Variants in IL17RD observed in about 807,000 individuals in gnomAD.
IL17RD encodes the protein interleukin 17 receptor D.
Under a neutral mutation model 80.5 loss-of-function variants are expected in IL17RD, and 52 were observed. That is an observed-to-expected ratio of 0.65 (90% CI 0.52 to 0.81). The LOEUF (loss-of-function observed/expected upper bound fraction) is 0.81. Among genes scored for constraint, IL17RD ranks in the 40% least tolerant of loss-of-function variants. IL17RD has a pLI of 0.00. For missense variants in IL17RD, 1,024 were observed against 955.1 expected, an observed-to-expected ratio of 1.07 and a Z score of -0.95; for synonymous variants, 416 against 391.8, an observed-to-expected ratio of 1.06 and a Z score of -0.73.
At chr3:57,132,091 CA>C (rs1463660418) in intron 1 of IL17RD, among the ~76,000 whole-genome samples, 2 of 152,040 alleles carry the variant, frequency 1.3e-5, no homozygotes, top group Non-Finnish European at 2.9e-5. Flanking sequence ...GAGGCTGAGG[CA>C]GGGGGATCGC....
chr3:57,090,563 G>C lies in IL17RD; in HGVS notation c.*5830C>G, dbSNP rs4681950. On this transcript the variant is annotated 3_prime_UTR_variant, in exon 13 of 13. Transcript: ENST00000296318. Reference sequence around the variant, plus strand: ...TGGGATTACAGGCACACACAACCACGCCTGATTAATTTTGTATTTTTAGTA... The same window carrying C: ...TGGGATTACAGGCACACACAACCACCCCTGATTAATTTTGTATTTTTAGTA... The C allele has an allele frequency of 1.3e-5, 2 of 152,066 alleles. No individual in the cohort carries two copies. Among genetic ancestry groups the C allele is most frequent in the Non-Finnish European group, 2.9e-5 (2 of 68,114 alleles). 9.4% of individuals were successfully genotyped at this position (152,066 alleles called of 1,614,324 possible).
chr3:57,142,351 GTTCT>G, intron 1 of IL17RD: 1 of 462,910 alleles, frequency 2.2e-6, no homozygotes, highest in Non-Finnish European at 4.1e-6. Flanking sequence ...AATTCACTCT[GTTCT>G]TTCTTTTGTG....
At position 57,097,621 on chromosome 3, in the gene IL17RD, C is replaced by T; in HGVS notation, c.2082G>A (p.Glu694=). 1.9e-6 allele frequency: 3 copies of T among 1,583,400 alleles called. No individual in the cohort carries two copies. The highest frequency in any genetic ancestry group is 2.6e-6 in the Non-Finnish European group (3 of 1,165,192). The change falls in exon 12 of 13, where the codon GAG becomes GAA. Residue 694 remains glutamate, a synonymous_variant. Transcript: ENST00000296318. ...CCAGGCCTGAAGAGGAGGACACGCT[C>T]TCCGTCAGGGAAGACGTTTCTGTCT... is the stretch of plus-strand genomic sequence containing the variant. ...TDQTETSSLT[E]SVSSSSGLGE...
chr3:57,108,294 T>A (rs963687922), intron 5 of IL17RD, among the ~76,000 whole-genome samples: 1 of 151,928 alleles, frequency 6.6e-6, no homozygotes, highest in African/African-American at 2.4e-5. Context: ...GACTTCGTGA[T>A]CTGCCTGCCT....
intron 5 of IL17RD, among the ~76,000 whole-genome samples, chr3:57,107,825 G>C: frequency 6.6e-6 from 1 of 152,146 alleles, no homozygotes; most frequent in East Asian, 1.9e-4. Flanking sequence ...AGTAAGTGGG[G>C]ATGGTACGAC....
rs1706875257 is a variant in IL17RD, at chr3:57,103,134, G to A, written c.825C>T (p.Asp275=). 1.2e-6 allele frequency: 2 copies of A among 1,602,990 alleles called. No individual in the cohort carries two copies. The highest frequency in any genetic ancestry group is 2.2e-5 in the East Asian group (1 of 44,760). ...PGDYIIELVD[D]TNTTRKVMHY... The stretch of plus-strand genomic sequence containing the variant: ...GCATCACTTTTCTTGTTGTGTTAGT[G>A]TCATCCACCAGCTGCAAAACAGAGG... The change falls in exon 9 of 13, where the codon GAC becomes GAT. Residue 275 remains aspartate, a synonymous_variant. Transcript: ENST00000296318.
Position 57,095,853 on chromosome 3 carries a change from C to T in IL17RD, c.*540G>A, listed in dbSNP as rs1054241998. 6.5e-6 allele frequency: 1 copy of T among 153,580 alleles called. No individual in the cohort carries two copies. Among genetic ancestry groups the T allele is most frequent in the African/African-American group, 2.4e-5 (1 of 41,450 alleles). The allele number at this position is 153,580 out of a possible 1,614,324, so 9.5% of individuals were successfully genotyped here. On this transcript the variant is annotated 3_prime_UTR_variant, in exon 13 of 13. Coordinates refer to ENST00000296318, the MANE Select transcript of IL17RD (RefSeq NM_017563.5). ...TCAGTCACTTTCTTGACTTTTGACT[C>T]AAAGCTTATTTAACACCCATGGCAA...
At chr3:57,149,073 A>G (rs1486477233) in intron 1 of IL17RD, among the ~76,000 whole-genome samples, 1 of 152,140 alleles carries the variant, frequency 6.6e-6, no homozygotes, top group East Asian at 1.9e-4. Flanking sequence ...GCACTTTGGG[A>G]GGCCAAGGCG....
intron 11 of IL17RD, among the ~76,000 whole-genome samples, chr3:57,099,158 A>T (rs1027484998): frequency 2.0e-5 from 3 of 152,238 alleles, no homozygotes; most frequent in Non-Finnish European, 4.4e-5. Context: ...TAGTTGGTCC[A>T]TGGCTGGAGA....
intron 1 of IL17RD, among the ~76,000 whole-genome samples, chr3:57,145,071 T>A (rs1266607758): frequency 2.0e-5 from 3 of 152,226 alleles, no homozygotes; most frequent in Admixed American, 2.0e-4. Flanking sequence ...TATTTCTGTA[T>A]CTGTGACTGC....
At chr3:57,157,186 G>A (rs2060273721) in intron 1 of IL17RD, among the ~76,000 whole-genome samples, 1 of 152,172 alleles carries the variant, frequency 6.6e-6, no homozygotes, top group Admixed American at 6.5e-5. Flanking sequence ...TAAAAAGCCA[G>A]AGTTCTAAGG....
chr3:57,102,629 T>C lies in IL17RD; in HGVS notation c.869-40A>G, dbSNP rs774844676. On this transcript the variant is annotated intron_variant, in intron 9 of 12. Transcript: ENST00000296318. The stretch of plus-strand genomic sequence containing the variant: ...AGGGAAAGTTTTTAAACTTAAGCAG[T>C]GTAAAGGTTCAAAGAGAAACAACTT... 14 of 1,088,620 alleles carry C rather than the reference T, an allele frequency of 1.3e-5. No individual in the cohort carries two copies. In the East Asian group the frequency reaches 2.2e-4, roughly 17 times the overall value. The allele number at this position is 1,088,620 out of a possible 1,614,324, so 67.4% of individuals were successfully genotyped here. A position where few individuals can be genotyped will look rare whatever the true frequency, so the allele number is the denominator to read the frequency against.
upstream of IL17RD, chr3:57,169,210 T>G (rs1171595842): frequency 1.9e-6 from 1 of 517,226 alleles, no homozygotes; most frequent in South Asian, 1.4e-5. Context: ...AAACCCTCCC[T>G]CAATACAACA....
At chr3:57,127,236 A>G (rs1356306569) in intron 1 of IL17RD, among the ~76,000 whole-genome samples, 1 of 106,948 alleles carries the variant, frequency 9.4e-6, no homozygotes, top group Non-Finnish European at 1.7e-5. Flanking sequence ...ATATAAAAAT[A>G]TATAAATATA....
At chr3:57,136,123 A>T (rs948328990) in intron 1 of IL17RD, among the ~76,000 whole-genome samples, 1 of 152,220 alleles carries the variant, frequency 6.6e-6, no homozygotes, top group Non-Finnish European at 1.5e-5. Context: ...AGCAGATAAC[A>T]ATGTCTTCCT....
intron 1 of IL17RD, among the ~76,000 whole-genome samples, chr3:57,123,128 G>C (rs9861847): frequency 0.16 from 23,706 of 152,102 alleles, 2,274 homozygotes; most frequent in South Asian, 0.21. Context: ...CTGTTCAGAG[G>C]GGGGTCCAGT....
intron 1 of IL17RD, among the ~76,000 whole-genome samples, chr3:57,163,707 A>G (rs916247065): frequency 6.6e-6 from 1 of 150,938 alleles, no homozygotes; most frequent in African/African-American, 2.4e-5. Flanking sequence ...AAGAGCAGTA[A>G]TGTTTTACTG....
intron 1 of IL17RD, among the ~76,000 whole-genome samples, chr3:57,143,933 G>A (rs915357053): frequency 2.0e-5 from 3 of 152,222 alleles, no homozygotes; most frequent in Admixed American, 6.5e-5. Flanking sequence ...AGGGGCAAGA[G>A]GCATATCAGA....
At chr3:57,141,827 A>G (rs1559482133) in intron 1 of IL17RD, among the ~76,000 whole-genome samples, 1 of 152,194 alleles carries the variant, frequency 6.6e-6, no homozygotes. Flanking sequence ...TAAGAAAAAA[A>G]CAAACACTAT....
Sources: gnomAD v4.1 joint callset for allele counts (sites outside exome capture counted in the v4.1 genomes callset) on GRCh38, gnomAD v4.1.1 for gene constraint, MANE v1.5 for transcripts, NCBI Gene and HGNC (gene_info 2026-07-23, HGNC 2026-07-21) for gene names.